PDE4D: variants seen among roughly 807,000 people sequenced by gnomAD.
PDE4D encodes 3',5'-cyclic-AMP phosphodiesterase 4D.
Under a neutral mutation model 87.4 loss-of-function variants are expected in PDE4D, and 24 were observed. The observed-to-expected ratio is 0.27, with a 90% CI of 0.20 to 0.39. The LOEUF (loss-of-function observed/expected upper bound fraction) is 0.39, where lower values mean the gene tolerates loss of function less well. Among genes scored for constraint, PDE4D ranks in the 10% least tolerant of loss-of-function variants. PDE4D has a pLI of 1.00. For missense variants in PDE4D, 714 were observed against 1,041.0 expected, an observed-to-expected ratio of 0.69 and a Z score of 4.32; for synonymous variants, 384 against 383.2, an observed-to-expected ratio of 1.00 and a Z score of -0.02.
intron 1 of PDE4D, among the ~76,000 whole-genome samples, chr5:59,867,943 A>C (rs1747279944): frequency 6.6e-6 from 1 of 152,186 alleles, no homozygotes; most frequent in Non-Finnish European, 1.5e-5. Flanking sequence ...AGAACTAAAG[A>C]GGGGTTTACT....
chr5:59,474,977 A>G (rs551390587), intron 1 of PDE4D, among the ~76,000 whole-genome samples: 5 of 152,220 alleles, frequency 3.3e-5, no homozygotes, highest in African/African-American at 1.2e-4. Flanking sequence ...TTTCTGTTAA[A>G]CAAAGGAAAC....
intron 1 of PDE4D, among the ~76,000 whole-genome samples, chr5:59,476,867 C>T (rs1803364036): frequency 6.6e-6 from 1 of 151,922 alleles, no homozygotes; most frequent in Admixed American, 6.6e-5. Context: ...AATTTTGAAA[C>T]ATTGCTTGCA....
At chr5:59,776,426 A>G (rs1764086033) in intron 1 of PDE4D, among the ~76,000 whole-genome samples, 1 of 152,226 alleles carries the variant, frequency 6.6e-6, no homozygotes, top group African/African-American at 2.4e-5. Context: ...ATGCGGTGTT[A>G]TTATATACCA....
At chr5:59,194,336 T>C (rs986792037) in intron 2 of PDE4D, among the ~76,000 whole-genome samples, 2 of 152,212 alleles carry the variant, frequency 1.3e-5, no homozygotes, top group African/African-American at 4.8e-5. Context: ...TCTAGCTAGA[T>C]AAAATTCTTA....
At chr5:59,966,159 T>C (rs10514886) in intron 3 of PDE4D, among the ~76,000 whole-genome samples, 129,607 of 152,178 alleles carry the variant, frequency 0.85, 55,248 homozygotes, top group East Asian at 0.97. Flanking sequence ...AAGGCAATTA[T>C]CGCCAACAGT....
intron 1 of PDE4D, among the ~76,000 whole-genome samples, chr5:60,241,044 C>G (rs1295654232): frequency 1.3e-5 from 2 of 152,040 alleles, no homozygotes; most frequent in African/African-American, 2.4e-5. Flanking sequence ...CATGAGAAAC[C>G]AAACCTGGGA....
intron 5 of PDE4D, among the ~76,000 whole-genome samples, chr5:59,091,892 C>T (rs1311004326): frequency 6.6e-6 from 1 of 152,076 alleles, no homozygotes; most frequent in African/African-American, 2.4e-5. Flanking sequence ...ATCTGTACAA[C>T]TGCTGATGAA....
chr5:59,379,895 G>A (rs57695545), intron 1 of PDE4D, among the ~76,000 whole-genome samples: 7,669 of 152,100 alleles, frequency 0.05, 286 homozygotes, highest in South Asian at 0.16. Flanking sequence ...AGTATATTGC[G>A]TGATGCTGAG....
intron 6 of PDE4D, among the ~76,000 whole-genome samples, chr5:59,007,055 T>C (rs1751765147): frequency 6.6e-6 from 1 of 152,152 alleles, no homozygotes; most frequent in Admixed American, 6.5e-5. Flanking sequence ...AGAGCCTACA[T>C]AATAGATCCG....
At chr5:60,341,565 G>T (rs1383713526) in intron 1 of PDE4D, among the ~76,000 whole-genome samples, 1 of 152,188 alleles carries the variant, frequency 6.6e-6, no homozygotes, top group Non-Finnish European at 1.5e-5. Context: ...CTGAAAGATT[G>T]TAGACAAGCC....
intron 1 of PDE4D, among the ~76,000 whole-genome samples, chr5:59,688,066 A>T (rs948345768): frequency 1.3e-5 from 2 of 152,344 alleles, no homozygotes; most frequent in East Asian, 3.9e-4. Context: ...CAGATTCATA[A>T]AGCAAGCCCT....
intron 2 of PDE4D, among the ~76,000 whole-genome samples, chr5:60,019,923 A>G (rs1327971793): frequency 1.3e-5 from 2 of 151,934 alleles, no homozygotes; most frequent in Admixed American, 6.6e-5. Context: ...CAACTTGGAT[A>G]GCTGCTTGGC....
intron 3 of PDE4D, among the ~76,000 whole-genome samples, chr5:59,949,605 G>C (rs1427013675): frequency 6.6e-6 from 1 of 152,098 alleles, no homozygotes; most frequent in African/African-American, 2.4e-5. Flanking sequence ...CTATGACCAA[G>C]TGGGCCTGAT....
At chr5:59,130,633 T>C (rs981056966) in intron 5 of PDE4D, among the ~76,000 whole-genome samples, 1 of 152,196 alleles carries the variant, frequency 6.6e-6, no homozygotes, top group African/African-American at 2.4e-5. Flanking sequence ...CTAGATTGCA[T>C]ATGATTCAGG....
intron 1 of PDE4D, among the ~76,000 whole-genome samples, chr5:59,440,378 C>T (rs1177601161): frequency 6.6e-6 from 1 of 152,110 alleles, no homozygotes; most frequent in Admixed American, 6.5e-5. Flanking sequence ...TATTCCCATC[C>T]AAAAAATAAT....
intron 1 of PDE4D, among the ~76,000 whole-genome samples, chr5:60,208,014 C>T (rs1023381781): frequency 6.6e-6 from 1 of 152,192 alleles, no homozygotes; most frequent in African/African-American, 2.4e-5. Flanking sequence ...CTTTCAGATA[C>T]TTATTAAGCA....
chr5:59,970,399 C>G (rs1210353853), intron 3 of PDE4D, among the ~76,000 whole-genome samples: 3 of 152,152 alleles, frequency 2.0e-5, no homozygotes, highest in African/African-American at 7.2e-5. Context: ...GCAAAAGAAA[C>G]TATCATCAGA....
chr5:59,555,729 C>CA (rs1419685345), intron 1 of PDE4D, among the ~76,000 whole-genome samples: 2 of 152,210 alleles, frequency 1.3e-5, no homozygotes, highest in South Asian at 2.1e-4. Flanking sequence ...GGGACTCAAG[C>CA]AAACAGCATC....
intron 3 of PDE4D, among the ~76,000 whole-genome samples, chr5:59,931,372 C>A (rs1755898100): frequency 6.6e-6 from 1 of 152,140 alleles, no homozygotes. Context: ...GCTGCCTAGT[C>A]CATTTTCTGT....
Sources: gnomAD v4.1 joint callset for allele counts (sites outside exome capture counted in the v4.1 genomes callset) on GRCh38, gnomAD v4.1.1 for gene constraint, MANE v1.5 for transcripts, NCBI Gene and HGNC (gene_info 2026-07-23, HGNC 2026-07-21) for gene names.